FAAH2: variants seen among roughly 807,000 people sequenced by gnomAD.
The protein encoded by FAAH2 is fatty acid amide hydrolase 2, also known as fatty-acid amide hydrolase 2.
In FAAH2, 60 loss-of-function variants were observed where a neutral mutation model predicts 36.9. That is an observed-to-expected ratio of 1.63 (90% CI 1.32 to 2.02). FAAH2 has a LOEUF of 2.02. Ranked by LOEUF, FAAH2 falls within the 30% of genes most tolerant of loss-of-function variation. FAAH2 has a pLI of 0.00. For synonymous variants in FAAH2, 214 were observed against 143.8 expected, an observed-to-expected ratio of 1.49 and a Z score of -3.49; for missense variants, 689 against 397.5, an observed-to-expected ratio of 1.73 and a Z score of -6.23.
At chrX:57,468,247 G>A (rs778422351) in intron 10 of FAAH2, among the ~76,000 whole-genome samples, 2 of 112,129 alleles carry the variant, frequency 1.8e-5, no homozygotes, top group Admixed American at 1.9e-4. Flanking sequence ...GCTGGATGGA[G>A]AATGACTTTG....
chrX:57,462,432 C>T (rs1348788712), intron 10 of FAAH2, among the ~76,000 whole-genome samples: 2 of 111,397 alleles, frequency 1.8e-5, no homozygotes, highest in African/African-American at 3.3e-5. Flanking sequence ...AAACCGAATC[C>T]ACCTGCACAT....
chrX:57,361,414 G>A (rs1340475295), intron 5 of FAAH2, among the ~76,000 whole-genome samples: 1 of 110,937 alleles, frequency 9.0e-6, no homozygotes, highest in African/African-American at 3.3e-5. Context: ...TTTGATATAT[G>A]CATTTATTTC....
intron 7 of FAAH2, chrX:57,394,359 G>C (rs1485295496): frequency 8.5e-7 from 1 of 1,180,834 alleles, no homozygotes; most frequent in Admixed American, 2.2e-5. Context: ...TGGTGCTTCA[G>C]GCGTTCTAGT....
chrX:57,166,056 ACACCAACAGGCATCAGCAAC>A, the FAAH2 span, among the ~76,000 whole-genome samples: 1 of 110,802 alleles, frequency 9.0e-6, no homozygotes, highest in African/African-American at 3.3e-5. Context: ...ATGGAAGAGC[ACACCAACAGGCATCAGCAAC>A]CACCGACAGG....
the FAAH2 span, among the ~76,000 whole-genome samples, chrX:57,168,385 TACACACAC>T: frequency 1.9e-5 from 2 of 104,600 alleles, no homozygotes; most frequent in Non-Finnish European, 4.0e-5. Context: ...ATATGTGTGT[TACACACAC>T]ACACACACAC....
At chrX:57,207,405 G>A in the FAAH2 span, among the ~76,000 whole-genome samples, 1 of 111,853 alleles carries the variant, frequency 8.9e-6, no homozygotes, top group Admixed American at 9.5e-5. Flanking sequence ...CAGTGCTGTA[G>A]AGAAATGATT....
chrX:57,423,045 A>G (rs926879674), intron 7 of FAAH2, among the ~76,000 whole-genome samples: 3 of 111,774 alleles, frequency 2.7e-5, no homozygotes, highest in African/African-American at 9.8e-5. Context: ...TGGGAAATCC[A>G]GGCCACGAGG....
the FAAH2 span, among the ~76,000 whole-genome samples, chrX:57,209,928 G>C: frequency 1.8e-5 from 2 of 110,253 alleles, no homozygotes; most frequent in Non-Finnish European, 3.8e-5. Context: ...GTGGGTGTCA[G>C]CTGGGTTAAT....
At chrX:57,203,606 C>T in the FAAH2 span, among the ~76,000 whole-genome samples, 1 of 111,787 alleles carries the variant, frequency 8.9e-6, no homozygotes, top group East Asian at 2.8e-4. Flanking sequence ...AGTCGGGATC[C>T]ACATATGCAG....
At chrX:57,314,755 C>T (rs1169208889) in intron 3 of FAAH2, among the ~76,000 whole-genome samples, 4 of 111,007 alleles carry the variant, frequency 3.6e-5, no homozygotes, top group Non-Finnish European at 7.6e-5. Context: ...AGTGACACAT[C>T]TTACCAAAGT....
intron 10 of FAAH2, among the ~76,000 whole-genome samples, chrX:57,469,803 G>T (rs765964773): frequency 9.0e-6 from 1 of 111,440 alleles, no homozygotes. Flanking sequence ...TACATTCTTC[G>T]CAGCACCACA....
upstream of FAAH2, among the ~76,000 whole-genome samples, chrX:57,285,871 A>G (rs1157242264): frequency 4.5e-5 from 5 of 112,149 alleles, no homozygotes; most frequent in African/African-American, 1.6e-4. Flanking sequence ...ACACTCTATA[A>G]ATAAAGGCAG....
intron 10 of FAAH2, among the ~76,000 whole-genome samples, chrX:57,454,134 G>A (rs1163629791): frequency 9.0e-6 from 1 of 111,476 alleles, no homozygotes; most frequent in Non-Finnish European, 1.9e-5. Context: ...AAGAGAGTAG[G>A]AAGAGCCTAT....
chrX:57,444,438 G>C (rs745415604), intron 8 of FAAH2, among the ~76,000 whole-genome samples: 3 of 112,000 alleles, frequency 2.7e-5, no homozygotes, highest in African/African-American at 9.7e-5. Flanking sequence ...CTGGTGTGCC[G>C]TTTGCTAACG....
the FAAH2 span, among the ~76,000 whole-genome samples, chrX:57,146,877 G>A: frequency 9.0e-6 from 1 of 111,637 alleles, no homozygotes; most frequent in African/African-American, 3.2e-5. Context: ...TTATTGACTT[G>A]CTTATGCTAA....
the FAAH2 span, among the ~76,000 whole-genome samples, chrX:57,132,157 G>C: frequency 8.9e-6 from 1 of 112,290 alleles, no homozygotes. Flanking sequence ...AACTCTGTCT[G>C]AATACTAAGA....
At chrX:57,300,795 G>A (rs921967372) in intron 2 of FAAH2, among the ~76,000 whole-genome samples, 1 of 111,852 alleles carries the variant, frequency 8.9e-6, no homozygotes, top group Non-Finnish European at 1.9e-5. Context: ...CAAAAAGTGG[G>A]CAAAGGATGT....
chrX:57,385,494 G>T (rs2054995441), intron 7 of FAAH2, among the ~76,000 whole-genome samples: 1 of 111,270 alleles, frequency 9.0e-6, no homozygotes, highest in African/African-American at 3.3e-5. Context: ...CCATCTTACT[G>T]CCTTCTCCAG....
intron 3 of FAAH2, among the ~76,000 whole-genome samples, chrX:57,325,626 T>C (rs1349479159): frequency 1.0e-5 from 1 of 100,081 alleles, no homozygotes; most frequent in Non-Finnish European, 2.0e-5. Context: ...TTTATTTGCA[T>C]ACAGGTGTTT....
Sources: allele counts gnomAD v4.1 joint callset (sites outside exome capture counted in the v4.1 genomes callset), GRCh38; gene constraint gnomAD v4.1.1; transcripts MANE v1.5; gene names NCBI Gene and HGNC (gene_info 2026-07-23, HGNC 2026-07-21).